The following MAP3K15 variants were observed in gnomAD, a reference collection of about 807,000 sequenced individuals.
MAP3K15 encodes MAPK/ERK kinase kinase 15.
Under a neutral mutation model 99.5 loss-of-function variants are expected in MAP3K15, and 124 were observed. The observed-to-expected ratio is 1.25, with a 90% CI of 1.08 to 1.45. The LOEUF (loss-of-function observed/expected upper bound fraction) is 1.45, where lower values mean the gene tolerates loss of function less well. Ranked by LOEUF, MAP3K15 falls within the 40% of genes most tolerant of loss-of-function variation. MAP3K15 has a pLI of 0.00. For missense variants in MAP3K15, 1,242 were observed against 1,079.7 expected (o/e 1.15, Z -2.11); for synonymous variants, 494 against 439.6 (o/e 1.12, Z -1.55).
chrX:19,495,520 T>C (rs908835693), intron 1 of MAP3K15, among the ~76,000 whole-genome samples: 1 of 110,957 alleles, frequency 9.0e-6, no homozygotes, highest in African/African-American at 3.3e-5. Flanking sequence ...GTATCAAATT[T>C]TTTTGTAAGA....
chrX:19,464,473 G>A, intron 3 of MAP3K15, 67 bp from the exon 4 acceptor site: 1 of 858,155 alleles, frequency 1.2e-6, no homozygotes, highest in Non-Finnish European at 1.6e-6. Flanking sequence ...TGGGCAGGTG[G>A]CGCCTGGTGG....
chrX:19,456,952 T>G lies in MAP3K15; in HGVS notation c.956A>C (p.Gln319Pro). 1 of 1,199,493 alleles carries G rather than the reference T, an allele frequency of 8.3e-7. No homozygotes were observed. Among genetic ancestry groups the G allele is most frequent in the Non-Finnish European group, 1.1e-6 (1 of 894,403 alleles). Residue 319 changes from glutamine (Q) to proline (P), a missense_variant, in exon 6 of 29, where the codon CAG becomes CCG. Coordinates refer to ENST00000338883, the MANE Select transcript of MAP3K15 (RefSeq NM_001001671.4). ...EMLPTCDLAD[Q>P]HNIKFHYAFA... is the part of the protein sequence containing the mutation. ...CGCATAGTGGAATTTAATGTTATGC[T>G]GATCGGCCAAATCACACGTAGGCAG... is the stretch of plus-strand genomic sequence containing the variant.
chrX:19,435,032 A>G (rs974467026), intron 6 of MAP3K15, among the ~76,000 whole-genome samples: 2 of 112,083 alleles, frequency 1.8e-5, no homozygotes, highest in African/African-American at 6.5e-5. Flanking sequence ...AATATTCTTT[A>G]ATTTTTAAGA....
Position 19,425,708 on chromosome X carries a change from T to G in MAP3K15, c.1280-18A>C. The G allele has an allele frequency of 8.5e-7, 1 of 1,174,570 alleles. No individual in the cohort carries two copies. The highest frequency in any genetic ancestry group is 1.1e-6 in the Non-Finnish European group (1 of 880,381). On this transcript the variant is annotated intron_variant, in intron 8 of 28. Transcript: ENST00000338883. ...CCGGACACCTTAAGAATTTGAATTT[T>G]TGATAGTCAGAATAATCTTTTTTAG... is the stretch of plus-strand genomic sequence containing the variant.
At chrX:19,411,887 G>A (rs1054746154) in intron 11 of MAP3K15, among the ~76,000 whole-genome samples, 3 of 112,069 alleles carry the variant, frequency 2.7e-5, no homozygotes, top group South Asian at 3.7e-4. Flanking sequence ...GGCCACCCTC[G>A]GGATGTCAGC....
At chrX:19,480,332 A>G (rs2064279578) in intron 3 of MAP3K15, among the ~76,000 whole-genome samples, 1 of 110,770 alleles carries the variant, frequency 9.0e-6, no homozygotes, top group Non-Finnish European at 1.9e-5. Context: ...GGCCAAAACA[A>G]TGTTGAAAAA....
At chrX:19,379,013 C>A (rs977017068) in intron 19 of MAP3K15, among the ~76,000 whole-genome samples, 1 of 111,440 alleles carries the variant, frequency 9.0e-6, no homozygotes, top group Admixed American at 9.6e-5. Flanking sequence ...TGAGCCTTAC[C>A]CACTGTAAGA....
chrX:19,480,676 A>T (rs2064282382), intron 3 of MAP3K15, among the ~76,000 whole-genome samples: 1 of 94,640 alleles, frequency 1.1e-5, no homozygotes, highest in Non-Finnish European at 2.0e-5. Flanking sequence ...AAAAAAAAAA[A>T]TTAGCCGTGC....
At chrX:19,389,609 T>C (rs1329093407) in intron 18 of MAP3K15, among the ~76,000 whole-genome samples, 1 of 112,482 alleles carries the variant, frequency 8.9e-6, no homozygotes, top group African/African-American at 3.2e-5. Flanking sequence ...CACCCCTGCA[T>C]TCTTTTGCAA....
intron 13 of MAP3K15, among the ~76,000 whole-genome samples, chrX:19,403,460 C>CTTTT (rs144389481): frequency 8.0e-5 from 7 of 86,981 alleles, no homozygotes; most frequent in African/African-American, 3.2e-4. Context: ...TTATTCTATT[C>CTTTT]TTTTTTTTTT....
intron 15 of MAP3K15, 114 bp downstream of exon 15, chrX:19,398,112 G>A (rs1178385790): frequency 2.3e-6 from 2 of 851,491 alleles, no homozygotes; most frequent in African/African-American, 4.2e-5. Flanking sequence ...AGAATGACAG[G>A]TTTTGTGGTA....
chrX:19,367,155 T>TA (rs938661580), intron 25 of MAP3K15, among the ~76,000 whole-genome samples: 1 of 111,338 alleles, frequency 9.0e-6, no homozygotes, highest in African/African-American at 3.3e-5. Flanking sequence ...TATGCAGCCA[T>TA]AAAAAAAGAA....
rs148445793 is a variant in MAP3K15, at chrX:19,438,420, A to T, written c.996-6812T>A. The stretch of plus-strand genomic sequence containing the variant: ...AACACATCTATTACTTATGTAAAAA[A>T]TGCACAGAATAAAAACACAACACTG... On this transcript the variant is annotated intron_variant, in intron 6 of 28. Transcript: ENST00000338883. Among the ~76,000 whole-genome samples the T allele has an allele frequency of 3.9e-3, 443 of 112,226 alleles. 3 individuals are homozygous for T. The highest frequency in any genetic ancestry group is 0.013 in the African/African-American group (388 of 30,892).
At chrX:19,441,023 A>C (rs1490432060) in intron 6 of MAP3K15, among the ~76,000 whole-genome samples, 1 of 111,909 alleles carries the variant, frequency 8.9e-6, no homozygotes, top group Non-Finnish European at 1.9e-5. Context: ...CAACTGATGA[A>C]TTAATAAAGT....
chrX:19,512,359 C>T (rs1273756315), intron 1 of MAP3K15, among the ~76,000 whole-genome samples: 1 of 112,001 alleles, frequency 8.9e-6, no homozygotes. Flanking sequence ...CAACAGTTCC[C>T]CTCCCCCACA....
At chrX:19,405,146 A>G (rs1353662339) in intron 13 of MAP3K15, among the ~76,000 whole-genome samples, 1 of 111,505 alleles carries the variant, frequency 9.0e-6, no homozygotes, top group Non-Finnish European at 1.9e-5. Context: ...GAAAAAATAT[A>G]TCACATATAT....
chrX:19,442,733 ATTATT>A (rs1414221957), intron 6 of MAP3K15, among the ~76,000 whole-genome samples: 3 of 96,304 alleles, frequency 3.1e-5, no homozygotes, highest in Admixed American at 1.1e-4. Flanking sequence ...TATTATTATT[ATTATT>A]TTGAGATGGA....
intron 9 of MAP3K15, among the ~76,000 whole-genome samples, chrX:19,417,287 T>C (rs1345909604): frequency 8.9e-6 from 1 of 112,441 alleles, no homozygotes; most frequent in African/African-American, 3.2e-5. Context: ...GGGAATTCCC[T>C]TTCCTAGTCA....
chrX:19,402,923 C>T (rs762148574), intron 13 of MAP3K15, among the ~76,000 whole-genome samples: 1 of 111,835 alleles, frequency 8.9e-6, no homozygotes, highest in Non-Finnish European at 1.9e-5. Context: ...GCCTTGGCCT[C>T]CCAAAGTGCT....
Sources: allele counts gnomAD v4.1 joint callset (sites outside exome capture counted in the v4.1 genomes callset), GRCh38; gene constraint gnomAD v4.1.1; transcripts MANE v1.5; gene names NCBI Gene and HGNC (gene_info 2026-07-23, HGNC 2026-07-21).